Variants in GTF2F2 observed in about 807,000 individuals in gnomAD.
GTF2F2 encodes the protein general transcription factor IIF subunit 2, also known as ATP-dependent helicase GTF2F2.
GTF2F2 carries 23 observed loss-of-function variants against 42.2 expected under a neutral mutation model. That is an observed-to-expected ratio of 0.55 (90% CI 0.39 to 0.77). The LOEUF is 0.77. Ranked by LOEUF, GTF2F2 falls within the 30% of genes least tolerant of loss-of-function variation. The probability of loss-of-function intolerance (pLI) is 0.00; values close to 1 mark genes in which losing one functional copy is unlikely to be tolerated. For synonymous variants in GTF2F2, 105 were observed against 100.8 expected (o/e 1.04, Z -0.25); for missense variants, 261 against 287.2 (o/e 0.91, Z 0.66).
chr13:45,152,024 T>A (rs538463739), intron 4 of GTF2F2, among the ~76,000 whole-genome samples, 193 bp downstream of exon 4: 1 of 150,776 alleles, frequency 6.6e-6, no homozygotes, highest in African/African-American at 2.4e-5. Flanking sequence ...CAAGTGATTC[T>A]CCTGCCTCAG....
chr13:45,278,227 A>G (rs564338611), intron 7 of GTF2F2, among the ~76,000 whole-genome samples: 13 of 152,226 alleles, frequency 8.5e-5, no homozygotes, highest in Admixed American at 2.6e-4. Flanking sequence ...CTTGGGGGCC[A>G]ATTAGGATGT....
intron 4 of GTF2F2, among the ~76,000 whole-genome samples, chr13:45,165,622 T>C (rs922796611): frequency 1.4e-5 from 2 of 147,888 alleles, no homozygotes; most frequent in African/African-American, 2.6e-5. Flanking sequence ...TCAAAACATA[T>C]GCAAAAGTAG....
intron 4 of GTF2F2, among the ~76,000 whole-genome samples, chr13:45,155,711 G>A (rs1342875921): frequency 6.6e-6 from 1 of 151,858 alleles, no homozygotes; most frequent in African/African-American, 2.4e-5. Flanking sequence ...GGGCTATTTT[G>A]GGTTACCCTT....
At chr13:45,255,811 T>G (rs927570752) in intron 6 of GTF2F2, among the ~76,000 whole-genome samples, 5 of 152,224 alleles carry the variant, frequency 3.3e-5, no homozygotes, top group African/African-American at 1.2e-4. Flanking sequence ...CTGTGATTTC[T>G]ACCCTTGTGT....
At chr13:45,270,864 TTATC>T (rs1407214591) in intron 7 of GTF2F2, among the ~76,000 whole-genome samples, 15 of 152,166 alleles carry the variant, frequency 9.9e-5, no homozygotes, top group African/African-American at 3.6e-4. Context: ...ATTAAAAACT[TTATC>T]TAATTGCTCC....
intron 4 of GTF2F2, among the ~76,000 whole-genome samples, chr13:45,173,547 C>T (rs1312020810): frequency 6.6e-6 from 1 of 151,732 alleles, no homozygotes; most frequent in Non-Finnish European, 1.5e-5. Flanking sequence ...CTTCCCACCT[C>T]TTTCCCCAAC....
chr13:45,178,415 C>A (rs1162086263), intron 4 of GTF2F2, among the ~76,000 whole-genome samples: 2 of 142,616 alleles, frequency 1.4e-5, no homozygotes, highest in African/African-American at 5.2e-5. Flanking sequence ...GTAGGTATTT[C>A]TGAGTTTGTC....
intron 4 of GTF2F2, among the ~76,000 whole-genome samples, chr13:45,201,454 C>T (rs1053870215): frequency 6.6e-6 from 1 of 152,010 alleles, no homozygotes; most frequent in Non-Finnish European, 1.5e-5. Flanking sequence ...GTGAAAGAGA[C>T]CTAGAAGAGA....
chr13:45,201,379 C>T (rs1045761733), intron 4 of GTF2F2, among the ~76,000 whole-genome samples: 7 of 152,150 alleles, frequency 4.6e-5, no homozygotes, highest in Admixed American at 1.3e-4. Context: ...CTAGAGCAAA[C>T]AAAATAACAC....
At chr13:45,199,520 T>G (rs139663517) in intron 4 of GTF2F2, among the ~76,000 whole-genome samples, 3,495 of 151,780 alleles carry the variant, frequency 0.023, 130 homozygotes, top group African/African-American at 0.077. Flanking sequence ...AAAAATGAAG[T>G]TTTTTTTTGA....
chr13:45,271,281 GAAAAAA>G (rs111649360), intron 7 of GTF2F2, among the ~76,000 whole-genome samples: 1 of 135,220 alleles, frequency 7.4e-6, no homozygotes, highest in African/African-American at 2.7e-5. Context: ...ACAGAAAAAA[GAAAAAA>G]AAAAAGAAAA....
At chr13:45,267,484 C>A in intron 7 of GTF2F2, 108 bp downstream of exon 7, 2 of 710,106 alleles carry the variant, frequency 2.8e-6, no homozygotes, top group Non-Finnish European at 4.4e-6. Context: ...ATGCTAATGA[C>A]TAATTTTATG....
chr13:45,272,448 A>C (rs1288347941), intron 7 of GTF2F2, among the ~76,000 whole-genome samples: 1 of 139,022 alleles, frequency 7.2e-6, no homozygotes, highest in African/African-American at 3.0e-5. Flanking sequence ...AAACAAAAAA[A>C]AAAAACAGGG....
chr13:45,124,645 A>G (rs755661884), intron 1 of GTF2F2, among the ~76,000 whole-genome samples: 24 of 151,788 alleles, frequency 1.6e-4, no homozygotes, highest in Non-Finnish European at 2.9e-4. Context: ...GCGCACTGTA[A>G]CCTTTGCCTC....
At chr13:45,250,021 T>G (rs1237473562) in intron 5 of GTF2F2, among the ~76,000 whole-genome samples, 1 of 151,244 alleles carries the variant, frequency 6.6e-6, no homozygotes, top group Non-Finnish European at 1.5e-5. Context: ...CTTGGAGGAA[T>G]CATTTCCACC....
chr13:45,264,648 C>T (rs1157472808), intron 6 of GTF2F2, among the ~76,000 whole-genome samples: 26 of 152,222 alleles, frequency 1.7e-4, no homozygotes, highest in African/African-American at 5.8e-4. Context: ...CAACTTAATC[C>T]GACCCTTACT....
At chr13:45,207,285 A>C in intron 4 of GTF2F2, 139 bp from the exon 5 acceptor site, 1 of 598,834 alleles carries the variant, frequency 1.7e-6, no homozygotes, top group East Asian at 2.8e-5. Context: ...GACCAGTGAG[A>C]TTCCTGAAAC....
At chr13:45,262,054 C>G (rs970965147) in intron 6 of GTF2F2, among the ~76,000 whole-genome samples, 3 of 152,058 alleles carry the variant, frequency 2.0e-5, no homozygotes, top group Non-Finnish European at 4.4e-5. Flanking sequence ...GGATTATGAG[C>G]CTGTCTTAGA....
chr13:45,152,205 G>A (rs1229119604), intron 4 of GTF2F2, among the ~76,000 whole-genome samples: 13 of 151,968 alleles, frequency 8.6e-5, no homozygotes, highest in African/African-American at 1.7e-4. Context: ...GTGAGCCACC[G>A]CACCCAGCCT....
Sources: allele counts gnomAD v4.1 joint callset (sites outside exome capture counted in the v4.1 genomes callset), GRCh38; gene constraint gnomAD v4.1.1; transcripts MANE v1.5; gene names NCBI Gene and HGNC (gene_info 2026-07-23, HGNC 2026-07-21).